Variants in PLGRKT observed in about 807,000 individuals in gnomAD.
The protein encoded by PLGRKT is plasminogen receptor (KT).
In PLGRKT, 22 loss-of-function variants were observed where a neutral mutation model predicts 18.5. The ratio of observed to expected loss-of-function variants is 1.19; its 90% CI spans 0.85 to 1.70. The LOEUF is 1.70. PLGRKT is among the 40% of genes most tolerant of loss of function. The pLI is 0.00. For synonymous variants in PLGRKT, 72 were observed against 52.8 expected, an observed-to-expected ratio of 1.36 and a Z score of -1.58; for missense variants, 235 against 174.4, an observed-to-expected ratio of 1.35 and a Z score of -1.96.
At position 5,432,932 on chromosome 9, in the gene PLGRKT, G is replaced by A. The variant is rs1273471301; in HGVS notation, c.-6-949C>T. On this transcript the variant is annotated intron_variant, in intron 2 of 5. Transcript: ENST00000223864. ...CCGCCCGCCACTCCGTCTAGGAAGT[G>A]AGCAGCGTCTCTGCCTGGCCGCCCT... 9.9e-5 allele frequency among the ~76,000 whole-genome samples: 15 copies of A among 152,012 alleles called. 1 individual carries two copies. Among genetic ancestry groups the A allele is most frequent in the Admixed American group, 9.8e-4 (15 of 15,288 alleles).
intron 3 of PLGRKT, among the ~76,000 whole-genome samples, chr9:5,402,332 G>A (rs1396657579): frequency 2.6e-5 from 4 of 151,838 alleles, no homozygotes; most frequent in African/African-American, 9.7e-5. Context: ...GGCACCCAGG[G>A]GCTGACAATA....
chr9:5,398,688 G>A (rs1818099037), intron 3 of PLGRKT, among the ~76,000 whole-genome samples: 1 of 151,828 alleles, frequency 6.6e-6, no homozygotes, highest in African/African-American at 2.4e-5. Flanking sequence ...GTCCATATCT[G>A]AGATACCTCA....
intron 3 of PLGRKT, among the ~76,000 whole-genome samples, chr9:5,402,672 G>A (rs1818177806): frequency 6.6e-6 from 1 of 151,906 alleles, no homozygotes; most frequent in Admixed American, 6.5e-5. Flanking sequence ...GGTTGTGGTA[G>A]GACATCAAAC....
At chr9:5,403,368 C>T (rs545242198) in intron 3 of PLGRKT, among the ~76,000 whole-genome samples, 14 of 149,380 alleles carry the variant, frequency 9.4e-5, no homozygotes, top group Admixed American at 2.0e-4. Context: ...GGATTACAGG[C>T]GCACGCCACC....
At chr9:5,389,299 T>C (rs939821443) in intron 3 of PLGRKT, among the ~76,000 whole-genome samples, 2 of 151,904 alleles carry the variant, frequency 1.3e-5, no homozygotes, top group African/African-American at 4.9e-5. Context: ...AACGTTCATG[T>C]GGTTGTCAGT....
intron 3 of PLGRKT, among the ~76,000 whole-genome samples, chr9:5,413,273 G>A (rs1818398764): frequency 6.6e-6 from 1 of 152,172 alleles, no homozygotes; most frequent in South Asian, 2.1e-4. Context: ...TTGAAGCACT[G>A]TTTGTAATAG....
chr9:5,376,156 G>A (rs1170989598), intron 3 of PLGRKT, among the ~76,000 whole-genome samples: 2 of 152,078 alleles, frequency 1.3e-5, no homozygotes, highest in African/African-American at 4.8e-5. Flanking sequence ...AATAGAGAGA[G>A]ACAGAAAGGA....
At chr9:5,426,912 C>A (rs921707806) in intron 3 of PLGRKT, among the ~76,000 whole-genome samples, 1 of 152,150 alleles carries the variant, frequency 6.6e-6, no homozygotes, top group Non-Finnish European at 1.5e-5. Context: ...TCCTTCATCT[C>A]CTTTATGGGA....
At chr9:5,386,480 T>C (rs928608645) in intron 3 of PLGRKT, among the ~76,000 whole-genome samples, 5 of 151,842 alleles carry the variant, frequency 3.3e-5, no homozygotes, top group African/African-American at 4.9e-5. Flanking sequence ...CATCATATGA[T>C]ATGCAGTGGA....
At chr9:5,368,174 G>C (rs187177690) in intron 3 of PLGRKT, among the ~76,000 whole-genome samples, 2 of 152,166 alleles carry the variant, frequency 1.3e-5, no homozygotes, top group Admixed American at 6.5e-5. Context: ...GCAGTTTAGA[G>C]ATTTCTCAAA....
intron 2 of PLGRKT, among the ~76,000 whole-genome samples, chr9:5,433,879 G>C (rs1419178253): frequency 7.4e-6 from 1 of 135,570 alleles, no homozygotes; most frequent in Admixed American, 7.4e-5. Flanking sequence ...CGGCCGCCCC[G>C]TCTGGGATGT....
intron 3 of PLGRKT, among the ~76,000 whole-genome samples, chr9:5,370,141 A>G: frequency 6.6e-6 from 1 of 152,222 alleles, no homozygotes; most frequent in Non-Finnish European, 1.5e-5. Context: ...AGCATATCAT[A>G]GCAGGAGGAA....
At chr9:5,380,243 T>A (rs1290446379) in intron 3 of PLGRKT, among the ~76,000 whole-genome samples, 4 of 151,960 alleles carry the variant, frequency 2.6e-5, no homozygotes, top group Admixed American at 6.6e-5. Flanking sequence ...TGGGCACCTG[T>A]AGTCCCAGCT....
intron 3 of PLGRKT, among the ~76,000 whole-genome samples, chr9:5,366,475 C>A (rs920671815): frequency 6.6e-6 from 1 of 152,154 alleles, no homozygotes; most frequent in Non-Finnish European, 1.5e-5. Flanking sequence ...CTGATTATAA[C>A]TTCACACTCT....
chr9:5,384,748 C>A (rs1817810039), intron 3 of PLGRKT, among the ~76,000 whole-genome samples: 1 of 151,664 alleles, frequency 6.6e-6, no homozygotes, highest in Non-Finnish European at 1.5e-5. Context: ...CTTAACTAAC[C>A]AAGCAGAAGA....
chr9:5,387,925 T>C (rs1817876072), intron 3 of PLGRKT, among the ~76,000 whole-genome samples: 1 of 151,484 alleles, frequency 6.6e-6, no homozygotes, highest in South Asian at 2.1e-4. Context: ...TGGTGAGAAG[T>C]GGTTGGATTC....
intron 3 of PLGRKT, among the ~76,000 whole-genome samples, chr9:5,420,488 G>A (rs1586740379): frequency 6.6e-6 from 1 of 152,278 alleles, no homozygotes; most frequent in Admixed American, 6.5e-5. Context: ...GCAGGTAGTG[G>A]GGACAGGAGG....
chr9:5,406,606 G>C (rs1050112763), intron 3 of PLGRKT, among the ~76,000 whole-genome samples: 8 of 151,928 alleles, frequency 5.3e-5, no homozygotes, highest in Non-Finnish European at 1.2e-4. Context: ...GGGGCCTGTT[G>C]GGGGAGGGTG....
At chr9:5,422,381 A>G (rs144036707) in intron 3 of PLGRKT, among the ~76,000 whole-genome samples, 317 of 152,322 alleles carry the variant, frequency 2.1e-3, no homozygotes, top group African/African-American at 7.2e-3. Flanking sequence ...TAGATTTACC[A>G]CTTCATAGGA....
Sources: allele counts gnomAD v4.1 joint callset (sites outside exome capture counted in the v4.1 genomes callset), GRCh38; gene constraint gnomAD v4.1.1; transcripts MANE v1.5; gene names NCBI Gene and HGNC (gene_info 2026-07-23, HGNC 2026-07-21).